SKAP2: variants seen among roughly 807,000 people sequenced by gnomAD.
SKAP2 encodes the protein src kinase associated phosphoprotein 2.
SKAP2 carries 28 observed loss-of-function variants against 54.9 expected under a neutral mutation model. The observed-to-expected ratio is 0.51, with a 90% confidence interval of 0.38 to 0.70. The LOEUF is 0.70. Ranked by LOEUF, SKAP2 falls within the 30% of genes least tolerant of loss-of-function variation. SKAP2 has a pLI of 0.00. For missense variants in SKAP2, 356 were observed against 424.1 expected (o/e 0.84, Z 1.41); for synonymous variants, 137 against 134.3 (o/e 1.02, Z -0.14).
intron 4 of SKAP2, among the ~76,000 whole-genome samples, chr7:26,840,017 A>G (rs961672031): frequency 4.6e-5 from 7 of 152,072 alleles, no homozygotes; most frequent in Admixed American, 3.3e-4. Context: ...ATAAATTATG[A>G]TAATAGTTCA....
chr7:26,679,369 G>C (rs1786431970), intron 11 of SKAP2, among the ~76,000 whole-genome samples: 1 of 152,184 alleles, frequency 6.6e-6, no homozygotes, highest in African/African-American at 2.4e-5. Flanking sequence ...AACATTTTCT[G>C]ACATGGTGTT....
intron 10 of SKAP2, among the ~76,000 whole-genome samples, chr7:26,686,104 A>G (rs1175572873): frequency 6.6e-6 from 1 of 152,196 alleles, no homozygotes; most frequent in Non-Finnish European, 1.5e-5. Flanking sequence ...TGATTTATAC[A>G]AAGTGTTAGG....
At chr7:26,853,038 T>A (rs1785080470) in intron 3 of SKAP2, among the ~76,000 whole-genome samples, 1 of 152,192 alleles carries the variant, frequency 6.6e-6, no homozygotes, top group Non-Finnish European at 1.5e-5. Context: ...AGTTTCCTGC[T>A]CATTTCTTTA....
intron 4 of SKAP2, among the ~76,000 whole-genome samples, chr7:26,826,083 T>C (rs995109410): frequency 4.0e-5 from 6 of 151,462 alleles, no homozygotes; most frequent in African/African-American, 1.5e-4. Context: ...AACTCTTTTT[T>C]GGGCACACGA....
chr7:26,741,418 G>A (rs6961904), intron 4 of SKAP2, among the ~76,000 whole-genome samples: 12,843 of 151,890 alleles, frequency 0.085, 600 homozygotes, highest in Middle Eastern at 0.16. Context: ...AGTGGAGGAG[G>A]AGGGTAGAGG....
chr7:26,830,108 T>A (rs1784569036), intron 4 of SKAP2, among the ~76,000 whole-genome samples: 1 of 152,128 alleles, frequency 6.6e-6, no homozygotes, highest in Non-Finnish European at 1.5e-5. Context: ...CTTGAAAACA[T>A]TATGCTAAGT....
chr7:26,718,826 T>C (rs1166114868), intron 9 of SKAP2, among the ~76,000 whole-genome samples: 1 of 151,184 alleles, frequency 6.6e-6, no homozygotes, highest in Non-Finnish European at 1.5e-5. Context: ...TTTATGCACA[T>C]CAGGAATATT....
At chr7:26,805,340 A>G (rs1293335807) in intron 4 of SKAP2, among the ~76,000 whole-genome samples, 1 of 152,190 alleles carries the variant, frequency 6.6e-6, no homozygotes, top group Non-Finnish European at 1.5e-5. Flanking sequence ...TATTCTAATC[A>G]GGTATGCTGA....
intron 4 of SKAP2, among the ~76,000 whole-genome samples, chr7:26,821,232 T>C (rs975796257): frequency 2.6e-5 from 4 of 151,992 alleles, no homozygotes; most frequent in Non-Finnish European, 5.9e-5. Flanking sequence ...TAACATAACA[T>C]GATGCCTGAA....
chr7:26,732,844 C>T (rs903092500), intron 6 of SKAP2, among the ~76,000 whole-genome samples: 2 of 152,152 alleles, frequency 1.3e-5, no homozygotes, highest in Admixed American at 6.5e-5. Context: ...CAACAACATT[C>T]GTGGTCATCA....
intron 4 of SKAP2, among the ~76,000 whole-genome samples, chr7:26,838,604 CA>C (rs1299546825): frequency 6.6e-6 from 1 of 152,188 alleles, no homozygotes; most frequent in Non-Finnish European, 1.5e-5. Context: ...TTCTCTGCAA[CA>C]AACCTCAAGA....
At chr7:26,742,256 T>C (rs1446515422) in intron 4 of SKAP2, 1 of 152,152 alleles carries the variant, frequency 6.6e-6, no homozygotes, top group Non-Finnish European at 1.5e-5. Context: ...TCACTTCCAT[T>C]GGGCATAATA....
the SKAP2 span, among the ~76,000 whole-genome samples, chr7:26,661,033 A>G: frequency 1.9e-4 from 29 of 152,116 alleles, no homozygotes; most frequent in Admixed American, 2.6e-4. Context: ...ACTTACTTTG[A>G]TATCTTCTAA....
intron 4 of SKAP2, among the ~76,000 whole-genome samples, chr7:26,783,596 T>C (rs1783471851): frequency 6.6e-6 from 1 of 152,178 alleles, no homozygotes; most frequent in Non-Finnish European, 1.5e-5. Context: ...ATCCCACCTA[T>C]AGGCTCTCCT....
At chr7:26,741,037 C>T (rs1782433432) in intron 4 of SKAP2, among the ~76,000 whole-genome samples, 1 of 152,034 alleles carries the variant, frequency 6.6e-6, no homozygotes, top group African/African-American at 2.4e-5. Flanking sequence ...TTTACTAGAA[C>T]TCTAGCAAGT....
chr7:26,698,836 T>C (rs1759821268), intron 9 of SKAP2, among the ~76,000 whole-genome samples: 1 of 152,210 alleles, frequency 6.6e-6, no homozygotes, highest in Admixed American at 6.5e-5. Flanking sequence ...ATGATAAAAT[T>C]TGAGCTTTCA....
chr7:26,784,623 A>G (rs1330811002), intron 4 of SKAP2, among the ~76,000 whole-genome samples: 8 of 152,244 alleles, frequency 5.3e-5, no homozygotes, highest in Admixed American at 1.3e-4. Context: ...ATATAAATCA[A>G]CATGTGCTGC....
chr7:26,667,143 A>G lies in SKAP2; in HGVS notation c.*2523T>C, dbSNP rs547221032. ...CATTATTGTAAGATCTAATGGCAATAGAGTACAAATTCAGTACAGAGCAAA... is the reference window on the plus strand; with the variant it reads ...CATTATTGTAAGATCTAATGGCAATGGAGTACAAATTCAGTACAGAGCAAA... On this transcript the variant is annotated 3_prime_UTR_variant, in exon 13 of 13. Transcript: ENST00000345317. The G allele has an allele frequency of 1.6e-4, 24 of 152,334 alleles. No individual in the cohort carries two copies. Among genetic ancestry groups the G allele is most frequent in the African/African-American group, 5.8e-4 (24 of 41,588 alleles). 9.4% of individuals were successfully genotyped at this position (152,334 alleles called of 1,614,324 possible).
intron 1 of SKAP2, among the ~76,000 whole-genome samples, chr7:26,861,615 C>CTTTTTTTTTTTT (rs34331819): frequency 1.7e-5 from 2 of 116,146 alleles, no homozygotes; most frequent in East Asian, 2.5e-4. Flanking sequence ...ATAACAACCT[C>CTTTTTTTTTTTT]TTTTTTTTTT....
Sources: allele counts gnomAD v4.1 joint callset (sites outside exome capture counted in the v4.1 genomes callset), GRCh38; gene constraint gnomAD v4.1.1; transcripts MANE v1.5; gene names NCBI Gene and HGNC (gene_info 2026-07-23, HGNC 2026-07-21).